MS4A8: variants seen among roughly 807,000 people sequenced by gnomAD.
The protein encoded by MS4A8 is membrane spanning 4-domains A8.
In MS4A8, 27 loss-of-function variants were observed where a neutral mutation model predicts 23.7. The ratio of observed to expected loss-of-function variants is 1.14; its 90% confidence interval spans 0.84 to 1.57. MS4A8 has a LOEUF of 1.57. Among genes scored for constraint, MS4A8 ranks in the 40% most tolerant of loss-of-function variants. The pLI is 0.00. For synonymous variants in MS4A8, 138 were observed against 126.3 expected (o/e 1.09, Z -0.62); for missense variants, 301 against 311.4 (o/e 0.97, Z 0.25).
At chr11:60,701,594 C>T in intron 2 of MS4A8, 2 of 261,248 alleles carry the variant, frequency 7.7e-6, no homozygotes, top group South Asian at 8.9e-5. Context: ...ATGCAGACTG[C>T]CCGAGCTCCA....
At chr11:60,713,474 G>A (rs2088316764) in intron 5 of MS4A8, among the ~76,000 whole-genome samples, 1 of 152,120 alleles carries the variant, frequency 6.6e-6, no homozygotes, top group Non-Finnish European at 1.5e-5. Flanking sequence ...AAAAAGTGCT[G>A]TGCTTTTGAT....
intron 4 of MS4A8, among the ~76,000 whole-genome samples, chr11:60,707,874 G>T (rs2088270416): frequency 7.0e-6 from 1 of 142,982 alleles, no homozygotes; most frequent in African/African-American, 2.7e-5. Flanking sequence ...GTGTCCCCCA[G>T]GCTGGAATGC....
intron 4 of MS4A8, among the ~76,000 whole-genome samples, 165 bp from the exon 5 acceptor site, chr11:60,708,485 A>G (rs1161320086): frequency 6.6e-6 from 1 of 152,242 alleles, no homozygotes; most frequent in African/African-American, 2.4e-5. Context: ...GTTTAATGCT[A>G]CTGAACTGTA....
rs112452931 is a variant in MS4A8, at chr11:60,701,098, T to C, written c.219+19T>C. 1.6e-3 allele frequency: 2,493 copies of C among 1,607,388 alleles called. 29 individuals are homozygous for C. The African/African-American group carries it at 0.026, about 17-fold the overall frequency. ...CTTGGGGGTAAGTGAGATTTCCCTT[T>C]GCAGGCCACAGACTGCACAGCTGGA... On this transcript the variant is annotated intron_variant, in intron 2 of 6. Transcript: ENST00000300226.
Position 60,715,074 on chromosome 11 carries a change from T to C in MS4A8, c.588T>C (p.Phe196=). ...TGCTGGTCTTCTGCCTCCTGGAGTT[T>C]GGCATCGCATGCGCATCTTCCCACT... ...GVLLVFCLLE[F]GIACASSHFG... is the part of the protein sequence containing the mutation. The change falls in exon 6 of 7, where the codon TTT becomes TTC. Residue 196 remains phenylalanine, a synonymous_variant. Transcript: ENST00000300226. 6.2e-7 allele frequency: 1 copy of C among 1,614,166 alleles called. No homozygotes were observed. The highest frequency in any genetic ancestry group is 8.5e-7 in the Non-Finnish European group (1 of 1,180,036).
At position 60,703,640 on chromosome 11, in the gene MS4A8, T is replaced by C; in HGVS notation, c.342+140T>C. Reference sequence around the variant, plus strand: ...TGGGGGATAGGAAACCAGCCAGCCCTGGCCTCGTTCCGCAAGCATATTAGT... The same window carrying C: ...TGGGGGATAGGAAACCAGCCAGCCCCGGCCTCGTTCCGCAAGCATATTAGT... On this transcript the variant is annotated intron_variant, in intron 3 of 6. Coordinates refer to ENST00000300226, the MANE Select transcript of MS4A8 (RefSeq NM_031457.2). 3.1e-6 allele frequency: 3 copies of C among 979,114 alleles called. No individual in the cohort carries two copies. The South Asian group carries it at 4.8e-5, about 16-fold the overall frequency. 60.7% of individuals were successfully genotyped at this position (979,114 alleles called of 1,614,324 possible). A position where few individuals can be genotyped will look rare whatever the true frequency, so the allele number is the denominator to read the frequency against.
chr11:60,705,540 C>T (rs2088248591), intron 3 of MS4A8, among the ~76,000 whole-genome samples: 1 of 152,242 alleles, frequency 6.6e-6, no homozygotes, highest in African/African-American at 2.4e-5. Context: ...AACAAAGGCT[C>T]ATCTCCTCTG....
chr11:60,715,049 T>C lies in MS4A8; in HGVS notation c.563T>C (p.Leu188Pro), dbSNP rs769742177. ...CCTGGAATGGCGATTTCTGGCGTGC[T>C]GCTGGTCTTCTGCCTCCTGGAGTTT... ...VNPGMAISGV[L>P]LVFCLLEFGI... The change falls in exon 6 of 7, where the codon CTG becomes CCG. Residue 188 changes from leucine (L) to proline (P), a missense_variant. Leu to Pro is a moderately conservative substitution (Grantham distance 98). Transcript: ENST00000300226. The C allele has an allele frequency of 5.6e-6, 9 of 1,614,020 alleles. No individual in the cohort carries two copies. The highest frequency in any genetic ancestry group is 6.8e-6 in the Non-Finnish European group (8 of 1,180,010).
intron 6 of MS4A8, 62 bp from the exon 7 acceptor site, chr11:60,715,248 C>T (rs576080755): frequency 9.1e-6 from 14 of 1,531,860 alleles, no homozygotes; most frequent in East Asian, 4.5e-5. Flanking sequence ...CCTCGGTGTC[C>T]GAGGCCTTTG....
intron 4 of MS4A8, among the ~76,000 whole-genome samples, chr11:60,707,812 C>CTTTTTTTTTTTTTTTTTT (rs5792195): frequency 3.9e-3 from 215 of 55,100 alleles, no homozygotes; most frequent in Non-Finnish European, 5.1e-3. Flanking sequence ...TTTTCTTTTT[C>CTTTTTTTTTTTTTTTTTT]TTTTTTTTTT....
intron 5 of MS4A8, chr11:60,711,721 A>G: frequency 2.3e-6 from 1 of 436,266 alleles, no homozygotes; most frequent in Non-Finnish European, 4.6e-6. Context: ...AGGGAAAGGA[A>G]GATGGGAGAA....
intron 5 of MS4A8, among the ~76,000 whole-genome samples, chr11:60,709,581 G>C (rs1405069050): frequency 6.6e-6 from 1 of 152,198 alleles, no homozygotes; most frequent in Non-Finnish European, 1.5e-5. Context: ...TTTGGGACCA[G>C]CTACATCTCA....
chr11:60,715,309 G>A lies in MS4A8; in HGVS notation c.649-1G>A. The A allele has an allele frequency of 6.2e-7, 1 of 1,613,808 alleles. No homozygotes were observed. The highest frequency in any genetic ancestry group is 8.5e-7 in the Non-Finnish European group (1 of 1,179,822). ...GCCCCCTGTGTGCCTGTGTTTTCCA[G>A]GTGAGTGTCATCTATCCAAACATCT... On this transcript the variant is annotated splice_acceptor_variant, in intron 6 of 6. Transcript: ENST00000300226. LOFTEE classifies it high-confidence loss of function.
In MS4A8 at chr11:60,701,126, G is replaced by A. The variant is rs1484740927; in HGVS notation, c.219+47G>A. 10 of 1,552,624 alleles carry A rather than the reference G, an allele frequency of 6.4e-6. No individual in the cohort carries two copies. In the Admixed American group the frequency reaches 1.2e-4, roughly 19 times the overall value. ...AGGCCACAGACTGCACAGCTGGAGTGATGGCAGGGGGAAGGGAAGGCCTGG... is the reference window on the plus strand; with the variant it reads ...AGGCCACAGACTGCACAGCTGGAGTAATGGCAGGGGGAAGGGAAGGCCTGG... On this transcript the variant is annotated intron_variant, in intron 2 of 6. Transcript: ENST00000300226.
chr11:60,715,267 C>A, intron 6 of MS4A8, 43 bp from the exon 7 acceptor site: 1 of 1,572,192 alleles, frequency 6.4e-7, no homozygotes, highest in Non-Finnish European at 8.8e-7. Context: ...TGGTGCATGG[C>A]CCGTCCTTCT....
intron 4 of MS4A8, among the ~76,000 whole-genome samples, chr11:60,707,306 G>C (rs953537157): frequency 1.3e-5 from 2 of 150,478 alleles, no homozygotes; most frequent in African/African-American, 5.0e-5. Context: ...AGAGTATGGA[G>C]AGCGAGAGAG....
At chr11:60,699,856 G>C (rs1195040949) in intron 1 of MS4A8, 81 bp downstream of exon 1, 3 of 152,302 alleles carry the variant, frequency 2.0e-5, no homozygotes, top group Admixed American at 1.3e-4. Context: ...CGGCGAACCA[G>C]TGTGGATGAG....
rs1267984297 is a variant in MS4A8 at position 60,715,474 on chromosome 11, G to A, written c.*60G>A. On this transcript the variant is annotated 3_prime_UTR_variant, in exon 7 of 7. Transcript: ENST00000300226. Reference sequence around the variant, plus strand: ...CAAAAGAAGTCCTCCTCCCTTTCTGGGCTTCCATAACCCAGGTCGTTCCTG... The same window carrying A: ...CAAAAGAAGTCCTCCTCCCTTTCTGAGCTTCCATAACCCAGGTCGTTCCTG... 4.3e-6 allele frequency: 6 copies of A among 1,384,394 alleles called. No individual in the cohort carries two copies. Among genetic ancestry groups the A allele is most frequent in the Admixed American group, 1.8e-5 (1 of 55,134 alleles). The allele number at this position is 1,384,394 out of a possible 1,614,324, so 85.8% of individuals were successfully genotyped here.
chr11:60,711,140 C>T (rs1254770190), intron 5 of MS4A8, among the ~76,000 whole-genome samples: 1 of 152,188 alleles, frequency 6.6e-6, no homozygotes, highest in Non-Finnish European at 1.5e-5. Context: ...TTCTTAAGGA[C>T]AGGGATGTTT....
Sources: gnomAD v4.1 joint callset for allele counts (sites outside exome capture counted in the v4.1 genomes callset) on GRCh38, gnomAD v4.1.1 for gene constraint, MANE v1.5 for transcripts, NCBI Gene and HGNC (gene_info 2026-07-23, HGNC 2026-07-21) for gene names.